Variants in WWC2 observed in about 807,000 individuals in gnomAD.
The protein encoded by WWC2 is WW and C2 domain containing 2.
WWC2 carries 101 observed loss-of-function variants against 138.5 expected under a neutral mutation model. That is an observed-to-expected ratio of 0.73 (90% CI 0.62 to 0.86). The LOEUF (loss-of-function observed/expected upper bound fraction) is 0.86, where lower values mean the gene tolerates loss of function less well. Ranked by LOEUF, WWC2 falls within the 40% of genes least tolerant of loss-of-function variation. WWC2 has a pLI of 0.00. For synonymous variants in WWC2, 558 were observed against 538.4 expected (o/e 1.04, Z -0.50); for missense variants, 1,420 against 1,419.4 (o/e 1.00, Z -0.01).
At position 183,289,442 on chromosome 4, in the gene WWC2, G is replaced by A. The variant is rs138014876; in HGVS notation, c.3191G>A (p.Arg1064Gln). The change falls in exon 21 of 23, where the codon CGG (arginine) becomes CAG (glutamine). Residue 1064 changes from arginine to glutamine, a missense_variant. Arg to Gln is a conservative substitution (Grantham distance 43). Coordinates refer to ENST00000403733, the MANE Select transcript of WWC2 (RefSeq NM_024949.6). ...LRRTTQECPV[R>Q]TSLDLELDLQ... is the part of the protein sequence containing the mutation. ...AGAACAACACAGGAATGCCCAGTGC[G>A]GACATCTCTAGACTTAGAACTGGAC... 13 of 1,612,590 alleles carry A rather than the reference G, an allele frequency of 8.1e-6. No homozygotes were observed. Among genetic ancestry groups the A allele is most frequent in the African/African-American group, 1.3e-5 (1 of 75,046 alleles).
chr4:183,140,313 G>A (rs988039511), intron 1 of WWC2, among the ~76,000 whole-genome samples: 2 of 152,162 alleles, frequency 1.3e-5, no homozygotes, highest in African/African-American at 4.8e-5. Flanking sequence ...GTGGTCCAAC[G>A]TATATCTGAA....
Position 183,233,075 on chromosome 4 carries a change from T to G in WWC2, c.523-7108T>G, listed in dbSNP as rs192467114. On this transcript the variant is annotated intron_variant, in intron 4 of 22. Coordinates refer to ENST00000403733, the MANE Select transcript of WWC2 (RefSeq NM_024949.6). ...TGTGGACATAGGTTTCTATTTCTCT[T>G]GGGTATATGCCTTGAAGTAGAATTG... 3.1e-3 allele frequency among the ~76,000 whole-genome samples: 476 copies of G among 152,084 alleles called. 1 individual carries two copies. Among genetic ancestry groups the G allele is most frequent in the Non-Finnish European group, 4.7e-3 (321 of 67,960 alleles).
In WWC2 at chr4:183,318,700, A is replaced by T. The variant is rs1345961717; in HGVS notation, c.*2971A>T. 1 of 152,218 alleles carries T rather than the reference A, an allele frequency of 6.6e-6. No individual in the cohort carries two copies. Among genetic ancestry groups the T allele is most frequent in the African/African-American group, 2.4e-5 (1 of 41,450 alleles). The allele number at this position is 152,218 out of a possible 1,614,324, so 9.4% of individuals were successfully genotyped here. On this transcript the variant is annotated 3_prime_UTR_variant, in exon 23 of 23. Transcript: ENST00000403733. ...TGTTGGAACTATATGTATTGCTGAT[A>T]AAAAAGGACGAAGTATTTTCATTGA...
chr4:183,230,047 A>G (rs1736195567), intron 4 of WWC2, among the ~76,000 whole-genome samples: 1 of 151,620 alleles, frequency 6.6e-6, no homozygotes, highest in African/African-American at 2.4e-5. Context: ...CTAATCTCAA[A>G]CCCCTGGGCT....
chr4:183,186,985 C>G (rs1734824258), intron 1 of WWC2, among the ~76,000 whole-genome samples: 1 of 152,082 alleles, frequency 6.6e-6, no homozygotes, highest in South Asian at 2.1e-4. Flanking sequence ...CTCTGTAGCA[C>G]TGGGTGAATC....
intron 16 of WWC2, among the ~76,000 whole-genome samples, chr4:183,278,916 G>A (rs1248893106): frequency 3.3e-5 from 5 of 151,080 alleles, no homozygotes; most frequent in Admixed American, 1.3e-4. Context: ...CAATCATGTC[G>A]TCTGCAAACA....
intron 4 of WWC2, among the ~76,000 whole-genome samples, chr4:183,234,374 T>G (rs926485261): frequency 3.9e-5 from 6 of 152,190 alleles, no homozygotes; most frequent in Non-Finnish European, 5.9e-5. Context: ...TAGCTACAGC[T>G]GTAGTTAAGT....
chr4:183,268,886 T>C, intron 14 of WWC2, 85 bp from the exon 15 acceptor site: 1 of 1,356,464 alleles, frequency 7.4e-7, no homozygotes, highest in Non-Finnish European at 1.0e-6. Flanking sequence ...TCATTTTCTC[T>C]CTTTGCAGAT....
intron 1 of WWC2, among the ~76,000 whole-genome samples, chr4:183,180,961 A>G (rs1734616282): frequency 6.6e-6 from 1 of 152,226 alleles, no homozygotes; most frequent in Non-Finnish European, 1.5e-5. Flanking sequence ...ATTATTTACT[A>G]CCATAAAATA....
intron 2 of WWC2, among the ~76,000 whole-genome samples, chr4:183,198,790 A>T (rs926597103): frequency 2.0e-3 from 5 of 2,496 alleles, no homozygotes; most frequent in African/African-American, 5.9e-3. Flanking sequence ...TCGTCTCTTT[A>T]AAAAAAAAAA....
chr4:183,297,435 G>A (rs376868383), intron 21 of WWC2, among the ~76,000 whole-genome samples: 1 of 148,596 alleles, frequency 6.7e-6, no homozygotes, highest in African/African-American at 2.5e-5. Context: ...TTGACATGGA[G>A]CTTCACTCTT....
intron 21 of WWC2, 143 bp downstream of exon 21, chr4:183,289,778 T>C (rs1417181751): frequency 6.1e-6 from 8 of 1,313,646 alleles, no homozygotes; most frequent in Non-Finnish European, 4.0e-6. Flanking sequence ...TTTTTCCCAC[T>C]GTTATAGGCC....
chr4:183,146,220 G>C (rs1233015375), intron 1 of WWC2, among the ~76,000 whole-genome samples: 1 of 152,162 alleles, frequency 6.6e-6, no homozygotes, highest in Non-Finnish European at 1.5e-5. Flanking sequence ...TAGTGAGCAT[G>C]TATTAGTAGA....
chr4:183,152,280 C>G (rs930988675), intron 1 of WWC2, among the ~76,000 whole-genome samples: 3 of 151,862 alleles, frequency 2.0e-5, no homozygotes, highest in Non-Finnish European at 4.4e-5. Context: ...AGGGAGGATG[C>G]TTGAGCTCAG....
chr4:183,237,512 C>T (rs1250865836), intron 4 of WWC2, among the ~76,000 whole-genome samples: 4 of 152,096 alleles, frequency 2.6e-5, no homozygotes, highest in African/African-American at 9.7e-5. Context: ...CCTTTAAAAT[C>T]CTGTTCAGGT....
At chr4:183,224,883 T>C (rs76156734) in intron 4 of WWC2, among the ~76,000 whole-genome samples, 1,640 of 152,262 alleles carry the variant, frequency 0.011, 35 homozygotes, top group African/African-American at 0.038. Flanking sequence ...TTTTAAAGTA[T>C]CAATTTGTGC....
At chr4:183,126,152 G>C (rs912029762) in intron 1 of WWC2, among the ~76,000 whole-genome samples, 9 of 152,286 alleles carry the variant, frequency 5.9e-5, no homozygotes, top group East Asian at 1.9e-4. Context: ...GACTCTCTCT[G>C]AGCCTGTTTA....
intron 20 of WWC2, among the ~76,000 whole-genome samples, chr4:183,288,608 G>A (rs368088969): frequency 9.5e-4 from 144 of 152,278 alleles, no homozygotes; most frequent in African/African-American, 3.0e-3. Context: ...TTCTGCAGCC[G>A]AAGTTTTCAA....
At chr4:183,150,445 A>C (rs1241578249) in intron 1 of WWC2, among the ~76,000 whole-genome samples, 2 of 152,184 alleles carry the variant, frequency 1.3e-5, no homozygotes, top group Non-Finnish European at 1.5e-5. Flanking sequence ...ACAGAAGCCA[A>C]GTTCATCAAT....
Sources: allele counts gnomAD v4.1 joint callset (sites outside exome capture counted in the v4.1 genomes callset), GRCh38; gene constraint gnomAD v4.1.1; transcripts MANE v1.5; gene names NCBI Gene and HGNC (gene_info 2026-07-23, HGNC 2026-07-21).